TMEM33: variants seen among roughly 807,000 people sequenced by gnomAD.
TMEM33 encodes the protein transmembrane protein 33.
A neutral mutation model predicts 29.7 loss-of-function variants in TMEM33; 16 were observed. That is an observed-to-expected ratio of 0.54 (90% CI 0.36 to 0.82). The LOEUF is 0.82. TMEM33 is among the 40% of genes least tolerant of loss of function. The pLI is 0.00. For synonymous variants in TMEM33, 112 were observed against 109.4 expected (o/e 1.02, Z -0.15); for missense variants, 252 against 295.3 (o/e 0.85, Z 1.08).
At chr4:41,950,600 G>A (rs1225713487) in intron 6 of TMEM33, among the ~76,000 whole-genome samples, 1 of 152,106 alleles carries the variant, frequency 6.6e-6, no homozygotes, top group Non-Finnish European at 1.5e-5. Context: ...ATTAGACAAT[G>A]TCTTTTTTAT....
Position 41,951,984 on chromosome 4 carries a change from G to C in TMEM33, c.615-2086G>C, listed in dbSNP as rs562754891. 3.3e-5 allele frequency among the ~76,000 whole-genome samples: 5 copies of C among 152,292 alleles called. No homozygotes were observed. The South Asian group carries it at 1.0e-3, about 32-fold the overall frequency. ...GCTGGGAACCCCCATGATGAAATCT[G>C]ATTTAGAAATATTCCAGAAAATGGA... On this transcript the variant is annotated intron_variant, in intron 6 of 6. Transcript: ENST00000504986.
Position 41,939,180 on chromosome 4 carries a change from C to T in TMEM33, c.141-16C>T. ...TGTTTATGTCTCATGATAACCTCTCCTCTGGTAATTTGCAGGTTGCATGAA... is the reference window on the plus strand; with the variant it reads ...TGTTTATGTCTCATGATAACCTCTCTTCTGGTAATTTGCAGGTTGCATGAA... On this transcript the variant is annotated splice_polypyrimidine_tract_variant and intron_variant, in intron 2 of 6. Transcript: ENST00000504986. The T allele has an allele frequency of 6.3e-7, 1 of 1,585,940 alleles. No homozygotes were observed. The highest frequency in any genetic ancestry group is 8.5e-7 in the Non-Finnish European group (1 of 1,169,958).
chr4:41,935,571 T>G, intron 1 of TMEM33, 42 bp downstream of exon 1: 1 of 1,579,606 alleles, frequency 6.3e-7, no homozygotes, highest in Non-Finnish European at 8.6e-7. Flanking sequence ...TTTGCAAGAG[T>G]TAGGAAGAAG....
intron 6 of TMEM33, among the ~76,000 whole-genome samples, chr4:41,951,390 G>C (rs1713034389): frequency 6.6e-6 from 1 of 152,088 alleles, no homozygotes; most frequent in Non-Finnish European, 1.5e-5. Flanking sequence ...GGAACTCTCT[G>C]ACTGGTCCTT....
chr4:41,940,850 T>C (rs77566240), intron 3 of TMEM33, among the ~76,000 whole-genome samples: 159 of 151,888 alleles, frequency 1.0e-3, no homozygotes, highest in African/African-American at 2.8e-3. Context: ...ATTTAATCTT[T>C]GTAGCACTCT....
Position 41,957,789 on chromosome 4 carries a change from T to C in TMEM33, c.*3590T>C, listed in dbSNP as rs1301329430. The C allele has an allele frequency of 6.6e-6, 1 of 152,098 alleles. No individual in the cohort carries two copies. Among genetic ancestry groups the C allele is most frequent in the Non-Finnish European group, 1.5e-5 (1 of 68,030 alleles). 9.4% of individuals were successfully genotyped at this position (152,098 alleles called of 1,614,324 possible). On this transcript the variant is annotated 3_prime_UTR_variant, in exon 7 of 7. Coordinates refer to ENST00000504986, the MANE Select transcript of TMEM33 (RefSeq NM_018126.3). ...CACAAATTAGACTAATTTTGACACT[T>C]TGAAATGAAAACTTCAAGGAAGAAG...
Position 41,958,700 on chromosome 4 carries a change from C to CCTTTTTTTTTTTTTTTTT in TMEM33, c.*4501_*4502insCTTTTTTTTTTTTTTTTT, listed in dbSNP as rs1560522140. 1 of 93,786 alleles carries CCTTTTTTTTTTTTTTTTT rather than the reference C, an allele frequency of 1.1e-5. No individual in the cohort carries two copies. The highest frequency in any genetic ancestry group is 2.1e-5 in the Non-Finnish European group (1 of 47,336). The allele number at this position is 93,786 out of a possible 1,614,324, so 5.8% of individuals were successfully genotyped here. A position where few individuals can be genotyped will look rare whatever the true frequency, so the allele number is the denominator to read the frequency against. On this transcript the variant is annotated 3_prime_UTR_variant, in exon 7 of 7. Transcript: ENST00000504986. ...GTAGAGACAACTAGTTTCTCTCGCT[C>CCTTTTTTTTTTTTTTTTT]TTTTTTTTTTTTTTTTTTTTTTTTT... is the stretch of plus-strand genomic sequence containing the variant.
chr4:41,935,441 C>T lies in TMEM33; in HGVS notation c.-44C>T, dbSNP rs41265681. 0.019 allele frequency: 30,119 copies of T among 1,580,672 alleles called. 329 individuals carry two copies. The highest frequency in any genetic ancestry group is 0.022 in the South Asian group (1,951 of 86,876). On this transcript the variant is annotated 5_prime_UTR_variant, in exon 1 of 7. Transcript: ENST00000504986. The stretch of plus-strand genomic sequence containing the variant: ...GCTGACGTTTTCTCTCCCCTTTCTT[C>T]TCTCTTCGCGGTTGCGGCGTCGCAG...
At chr4:41,940,046 CTTTT>C (rs71650953) in intron 3 of TMEM33, among the ~76,000 whole-genome samples, 18 of 81,358 alleles carry the variant, frequency 2.2e-4, no homozygotes, top group East Asian at 1.9e-3. Flanking sequence ...GTTAAACTTT[CTTTT>C]TTTTTTTTTT....
Position 41,956,801 on chromosome 4 carries a change from C to A in TMEM33, c.*2602C>A, listed in dbSNP as rs866029663. The A allele has an allele frequency of 2.6e-5, 4 of 151,908 alleles. No homozygotes were observed. The highest frequency in any genetic ancestry group is 3.4e-3 in the Middle Eastern group (1 of 294). The allele number at this position is 151,908 out of a possible 1,614,324, so 9.4% of individuals were successfully genotyped here. A position where few individuals can be genotyped will look rare whatever the true frequency, so the allele number is the denominator to read the frequency against. ...ACAAAAAAAGGTAATCTTAAACTTACGAAAAAGTAAATTTTACAATTTGAG... is the reference window on the plus strand; with the variant it reads ...ACAAAAAAAGGTAATCTTAAACTTAAGAAAAAGTAAATTTTACAATTTGAG... On this transcript the variant is annotated 3_prime_UTR_variant, in exon 7 of 7. Transcript: ENST00000504986.
At chr4:41,950,030 CT>C (rs1712968917) in intron 6 of TMEM33, among the ~76,000 whole-genome samples, 1 of 152,156 alleles carries the variant, frequency 6.6e-6, no homozygotes, top group South Asian at 2.1e-4. Flanking sequence ...TATTATAAAA[CT>C]TCTTGAGTTT....
intron 1 of TMEM33, 44 bp downstream of exon 1, chr4:41,935,573 A>G: frequency 6.4e-7 from 1 of 1,566,952 alleles, no homozygotes; most frequent in Non-Finnish European, 8.7e-7. Flanking sequence ...TGCAAGAGTT[A>G]GGAAGAAGCA....
chr4:41,948,764 A>G (rs1416365159), intron 5 of TMEM33, among the ~76,000 whole-genome samples: 1 of 152,080 alleles, frequency 6.6e-6, no homozygotes, highest in African/African-American at 2.4e-5. Flanking sequence ...CTTAATTCAG[A>G]TAGTTTTTCT....
chr4:41,949,595 A>C (rs189436063), intron 6 of TMEM33, among the ~76,000 whole-genome samples: 120 of 152,298 alleles, frequency 7.9e-4, no homozygotes, highest in Non-Finnish European at 1.4e-3. Context: ...GCAGTTATCT[A>C]CGCCACCTCT....
At chr4:41,949,451 A>C in intron 6 of TMEM33, 66 bp downstream of exon 6, 5 of 1,285,456 alleles carry the variant, frequency 3.9e-6, no homozygotes, top group Non-Finnish European at 5.4e-6. Flanking sequence ...TAGTATTCGC[A>C]ATTCTTAAGA....
rs1261590733 is a variant in TMEM33 at position 41,960,138 on chromosome 4, C to A, written c.*5939C>A. The A allele has an allele frequency of 6.6e-6, 1 of 152,168 alleles. No homozygotes were observed. Among genetic ancestry groups the A allele is most frequent in the Admixed American group, 6.5e-5 (1 of 15,280 alleles). 9.4% of individuals were successfully genotyped at this position (152,168 alleles called of 1,614,324 possible). Reference sequence around the variant, plus strand: ...AAATGTGAAGTCCTTTCAAGAAAATCTAATAAACATAATAATCATAGCCTG... The same window carrying A: ...AAATGTGAAGTCCTTTCAAGAAAATATAATAAACATAATAATCATAGCCTG... On this transcript the variant is annotated 3_prime_UTR_variant, in exon 7 of 7. Coordinates refer to ENST00000504986, the MANE Select transcript of TMEM33 (RefSeq NM_018126.3).
intron 6 of TMEM33, 65 bp downstream of exon 6, chr4:41,949,450 C>T: frequency 7.6e-7 from 1 of 1,310,158 alleles, no homozygotes; most frequent in South Asian, 1.3e-5. Context: ...ATAGTATTCG[C>T]AATTCTTAAG....
chr4:41,939,983 G>A (rs557406742), intron 3 of TMEM33, among the ~76,000 whole-genome samples: 2 of 151,398 alleles, frequency 1.3e-5, no homozygotes, highest in African/African-American at 4.9e-5. Flanking sequence ...ATGATACTGG[G>A]TAGTCCATAA....
chr4:41,947,712 G>C (rs1456377085), intron 5 of TMEM33, among the ~76,000 whole-genome samples: 1 of 152,114 alleles, frequency 6.6e-6, no homozygotes, highest in African/African-American at 2.4e-5. Flanking sequence ...ATAAAATTAA[G>C]AACAGTCTTA....
Sources: gnomAD v4.1 joint callset for allele counts (sites outside exome capture counted in the v4.1 genomes callset) on GRCh38, gnomAD v4.1.1 for gene constraint, MANE v1.5 for transcripts, NCBI Gene and HGNC (gene_info 2026-07-23, HGNC 2026-07-21) for gene names.